Variants in RANBP2 observed in about 807,000 individuals in gnomAD.
RANBP2 encodes RAN binding protein 2.
RANBP2 carries 57 observed loss-of-function variants against 303.6 expected under a neutral mutation model. That is an observed-to-expected ratio of 0.19 (90% CI 0.15 to 0.23). The LOEUF is 0.23. RANBP2 is among the 10% of genes least tolerant of loss of function. The pLI, the probability that RANBP2 is intolerant of heterozygous loss-of-function variation, is 1.00. For synonymous variants in RANBP2, 1,167 were observed against 1,301.5 expected (o/e 0.90, Z 2.23); for missense variants, 3,138 against 3,780.8 (o/e 0.83, Z 4.46).
chr2:109,568,024 T>C, the RANBP2 span: 8 of 1,364,496 alleles, frequency 5.9e-6, no homozygotes, highest in East Asian at 1.9e-4. Context: ...TTTTTTTTTT[T>C]AATCCTGCAG....
the RANBP2 span, among the ~76,000 whole-genome samples, chr2:109,169,984 A>T: frequency 1.3e-5 from 2 of 152,198 alleles, no homozygotes; most frequent in South Asian, 4.1e-4. Flanking sequence ...AACAAAAGAA[A>T]CATCACATCC....
At chr2:109,601,209 T>A in the RANBP2 span, among the ~76,000 whole-genome samples, 1 of 152,200 alleles carries the variant, frequency 6.6e-6, no homozygotes, top group Non-Finnish European at 1.5e-5. Flanking sequence ...AACCCTCTAA[T>A]CTTGCCTTGT....
At chr2:109,186,246 A>G in the RANBP2 span, among the ~76,000 whole-genome samples, 1 of 152,250 alleles carries the variant, frequency 6.6e-6, no homozygotes, top group Non-Finnish European at 1.5e-5. Flanking sequence ...CGTGTACGAG[A>G]TGCTTTCCTT....
At chr2:109,264,133 C>T in the RANBP2 span, among the ~76,000 whole-genome samples, 33 of 152,094 alleles carry the variant, frequency 2.2e-4, no homozygotes, top group African/African-American at 7.7e-4. Flanking sequence ...CCAGGATCCA[C>T]CTCGAGTCTG....
At chr2:108,803,433 A>T in the RANBP2 span, among the ~76,000 whole-genome samples, 20 of 151,840 alleles carry the variant, frequency 1.3e-4, no homozygotes, top group African/African-American at 2.2e-4. Context: ...AGTGGAAATT[A>T]AAAAAAAATT....
chr2:109,473,274 G>A, the RANBP2 span, among the ~76,000 whole-genome samples: 2 of 152,236 alleles, frequency 1.3e-5, no homozygotes, highest in Non-Finnish European at 1.5e-5. Flanking sequence ...GCCTGGAGCT[G>A]GGGTTGGGCC....
At chr2:109,680,007 C>T in the RANBP2 span, among the ~76,000 whole-genome samples, 1 of 151,520 alleles carries the variant, frequency 6.6e-6, no homozygotes, top group African/African-American at 2.4e-5. Context: ...CGGGCAGTTT[C>T]GTTTAAAGCT....
At chr2:108,798,391 C>G in the RANBP2 span, 4 of 1,582,148 alleles carry the variant, frequency 2.5e-6, no homozygotes, top group Middle Eastern at 1.7e-4. Context: ...GAATTTGTGA[C>G]TTTTCAAGAG....
In RANBP2 at chr2:108,725,200, C is replaced by A. The variant is rs571986640; in HGVS notation, c.73-3932C>A. On this transcript the variant is annotated intron_variant, in intron 1 of 28. Transcript: ENST00000283195. ...CTGTCATGTAAAGAAGTACTGCTTG[C>A]ATCAGATATTGTCCTGTTTACATAA... Among the ~76,000 whole-genome samples, 345 of 152,260 alleles carry A rather than the reference C, an allele frequency of 2.3e-3. 2 individuals carry two copies. The highest frequency in any genetic ancestry group is 4.3e-3 in the Admixed American group (66 of 15,298).
chr2:108,923,279 G>A, the RANBP2 span: 1 of 1,264,440 alleles, frequency 7.9e-7, no homozygotes, highest in East Asian at 2.3e-5. Flanking sequence ...TTGTCCAGGT[G>A]CCAGGACCGG....
chr2:109,115,092 G>GA, the RANBP2 span, among the ~76,000 whole-genome samples: 249 of 152,178 alleles, frequency 1.6e-3, no homozygotes, highest in Non-Finnish European at 2.7e-3. Context: ...TGTGGTGCTG[G>GA]AAAAAATGTA....
At chr2:108,819,727 A>G in the RANBP2 span, among the ~76,000 whole-genome samples, 6 of 152,304 alleles carry the variant, frequency 3.9e-5, no homozygotes, top group African/African-American at 1.2e-4. Flanking sequence ...AGACTCAGAA[A>G]GGTATTTGTT....
At chr2:108,861,662 G>T in the RANBP2 span, among the ~76,000 whole-genome samples, 153 of 151,994 alleles carry the variant, frequency 1.0e-3, 1 homozygote, top group Middle Eastern at 0.014. Flanking sequence ...TGCATTTTTA[G>T]TAGAGACAGG....
At chr2:109,078,102 A>ATATAGCG in the RANBP2 span, among the ~76,000 whole-genome samples, 2 of 90,126 alleles carry the variant, frequency 2.2e-5, no homozygotes, top group African/African-American at 7.7e-5. Flanking sequence ...ATATATATAT[A>ATATAGCG]TATATATATA....
At chr2:109,590,448 T>C in the RANBP2 span, among the ~76,000 whole-genome samples, 1 of 151,936 alleles carries the variant, frequency 6.6e-6, no homozygotes, top group East Asian at 1.9e-4. Flanking sequence ...TTTTTTCTTT[T>C]GAGACAGAGT....
chr2:109,654,292 T>C, the RANBP2 span, among the ~76,000 whole-genome samples: 2 of 151,998 alleles, frequency 1.3e-5, no homozygotes, highest in East Asian at 3.9e-4. Flanking sequence ...TCTTGTAATT[T>C]GGAAGTCTAC....
At chr2:109,140,192 A>G in the RANBP2 span, among the ~76,000 whole-genome samples, 1 of 152,210 alleles carries the variant, frequency 6.6e-6, no homozygotes, top group Non-Finnish European at 1.5e-5. Context: ...TGGTTGGTGC[A>G]TATGGGTCGA....
the RANBP2 span, among the ~76,000 whole-genome samples, chr2:109,028,581 A>T: frequency 6.6e-6 from 1 of 152,138 alleles, no homozygotes; most frequent in Non-Finnish European, 1.5e-5. Flanking sequence ...TGCTGTTTCA[A>T]TCTCCTCTGC....
the RANBP2 span, among the ~76,000 whole-genome samples, chr2:109,717,310 G>A: frequency 1.3e-5 from 2 of 149,894 alleles, no homozygotes; most frequent in East Asian, 3.9e-4. Context: ...CACGGGGTGC[G>A]GTGGCTCACG....
Sources: allele counts gnomAD v4.1 joint callset (sites outside exome capture counted in the v4.1 genomes callset), GRCh38; gene constraint gnomAD v4.1.1; transcripts MANE v1.5; gene names NCBI Gene and HGNC (gene_info 2026-07-23, HGNC 2026-07-21).